The following CSMD1 variants were observed in gnomAD, a reference collection of about 807,000 sequenced individuals.
CSMD1 encodes the protein CUB and Sushi multiple domains 1.
In CSMD1, 213 loss-of-function variants were observed where a neutral mutation model predicts 417.5. That is an observed-to-expected ratio of 0.51 (90% CI 0.46 to 0.57). The LOEUF (loss-of-function observed/expected upper bound fraction) is 0.57, where lower values mean the gene tolerates loss of function less well. Among genes scored for constraint, CSMD1 ranks in the 20% least tolerant of loss-of-function variants. The probability of loss-of-function intolerance (pLI) is 0.00; values close to 1 mark genes in which losing one functional copy is unlikely to be tolerated. For missense variants in CSMD1, 6,923 were observed against 4,529.7 expected, an observed-to-expected ratio of 1.53 and a Z score of -15.17; for synonymous variants, 2,862 against 1,736.8, an observed-to-expected ratio of 1.65 and a Z score of -16.11.
At chr8:3,505,510 T>C (rs7002372) in intron 10 of CSMD1, among the ~76,000 whole-genome samples, 109,389 of 152,088 alleles carry the variant, frequency 0.72, 39,619 homozygotes, top group East Asian at 0.93. Flanking sequence ...TTATGGCCCC[T>C]GTAAATGAAA....
chr8:3,210,175 A>T (rs571841200), intron 30 of CSMD1, among the ~76,000 whole-genome samples: 11 of 152,300 alleles, frequency 7.2e-5, no homozygotes, highest in Admixed American at 7.2e-4. Flanking sequence ...GCGCTGGTTC[A>T]TGCACAAATG....
At chr8:4,218,769 T>A (rs1800843754) in intron 3 of CSMD1, among the ~76,000 whole-genome samples, 1 of 152,258 alleles carries the variant, frequency 6.6e-6, no homozygotes, top group Non-Finnish European at 1.5e-5. Flanking sequence ...TCTCTTGATT[T>A]GGTCCTGTAA....
At chr8:4,544,025 G>A (rs183381379) in intron 2 of CSMD1, among the ~76,000 whole-genome samples, 6 of 152,200 alleles carry the variant, frequency 3.9e-5, no homozygotes, top group East Asian at 1.9e-4. Flanking sequence ...TCGGACACAG[G>A]CCCTTTATCA....
At chr8:3,834,794 G>T (rs1057195714) in intron 5 of CSMD1, among the ~76,000 whole-genome samples, 31 of 151,780 alleles carry the variant, frequency 2.0e-4, no homozygotes, top group African/African-American at 7.5e-4. Context: ...TACAAAATGG[G>T]AGAAAATTTT....
At chr8:4,008,609 T>TC in intron 4 of CSMD1, among the ~76,000 whole-genome samples, 1 of 130,746 alleles carries the variant, frequency 7.6e-6, no homozygotes, top group Non-Finnish European at 1.6e-5. Context: ...TCTTTTTTTT[T>TC]TTTTTTTTTT....
At chr8:2,981,022 T>A (rs903142951) in intron 54 of CSMD1, among the ~76,000 whole-genome samples, 1 of 152,214 alleles carries the variant, frequency 6.6e-6, no homozygotes, top group African/African-American at 2.4e-5. Flanking sequence ...CAGTCCTACA[T>A]AGAGTTGCAG....
intron 12 of CSMD1, among the ~76,000 whole-genome samples, chr8:3,436,686 C>G (rs576164735): frequency 6.6e-6 from 1 of 152,028 alleles, no homozygotes; most frequent in Non-Finnish European, 1.5e-5. Flanking sequence ...GTTCTATATA[C>G]GCGACACCTT....
At chr8:3,386,358 C>G (rs780844165) in intron 18 of CSMD1, among the ~76,000 whole-genome samples, 1 of 152,150 alleles carries the variant, frequency 6.6e-6, no homozygotes, top group African/African-American at 2.4e-5. Flanking sequence ...CTACTCCTGC[C>G]CAGAGTGCAG....
At chr8:3,216,046 T>A (rs1797863246) in intron 29 of CSMD1, among the ~76,000 whole-genome samples, 1 of 148,936 alleles carries the variant, frequency 6.7e-6, no homozygotes, top group Non-Finnish European at 1.5e-5. Flanking sequence ...ATTAAATCTA[T>A]ATTAATATAT....
chr8:3,542,375 A>C (rs1798476778), intron 10 of CSMD1, among the ~76,000 whole-genome samples: 1 of 152,146 alleles, frequency 6.6e-6, no homozygotes, highest in Admixed American at 6.5e-5. Context: ...TAGTTATTTT[A>C]TTTTACAAAT....
chr8:4,552,754 G>C (rs1797929667), intron 2 of CSMD1, among the ~76,000 whole-genome samples: 2 of 152,186 alleles, frequency 1.3e-5, no homozygotes, highest in Non-Finnish European at 2.9e-5. Context: ...GGCATCGTTT[G>C]AACAGTCATC....
chr8:4,193,325 C>A (rs984989528), intron 3 of CSMD1, among the ~76,000 whole-genome samples: 1 of 151,826 alleles, frequency 6.6e-6, no homozygotes, highest in Non-Finnish European at 1.5e-5. Context: ...TTTCAAAGAA[C>A]GTCCTCCAAT....
At chr8:3,468,465 T>A (rs1470147491) in intron 12 of CSMD1, among the ~76,000 whole-genome samples, 1 of 152,202 alleles carries the variant, frequency 6.6e-6, no homozygotes, top group Non-Finnish European at 1.5e-5. Flanking sequence ...TTACACCTAA[T>A]ACTTCACCTC....
chr8:4,701,288 G>T (rs115199740), intron 1 of CSMD1, among the ~76,000 whole-genome samples: 11 of 149,536 alleles, frequency 7.4e-5, no homozygotes, highest in Non-Finnish European at 1.5e-4. Flanking sequence ...AACTTCGAAG[G>T]CTGCTTTTGA....
intron 3 of CSMD1, among the ~76,000 whole-genome samples, chr8:4,124,924 C>G (rs1041721482): frequency 3.3e-5 from 5 of 152,110 alleles, no homozygotes; most frequent in Non-Finnish European, 7.4e-5. Context: ...GACACCCAAG[C>G]CAGAAACAGC....
At chr8:3,604,304 G>A (rs1284668789) in intron 8 of CSMD1, among the ~76,000 whole-genome samples, 1 of 152,102 alleles carries the variant, frequency 6.6e-6, no homozygotes, top group Non-Finnish European at 1.5e-5. Flanking sequence ...GGCTGCGGGG[G>A]GGGACCAAAG....
intron 3 of CSMD1, among the ~76,000 whole-genome samples, chr8:4,139,306 T>G (rs371072692): frequency 0.29 from 43,046 of 148,488 alleles, 8,082 homozygotes; most frequent in Non-Finnish European, 0.38. Flanking sequence ...ACAGCTGTCG[T>G]TATACTTATA....
At chr8:4,246,229 A>T (rs1802701982) in intron 3 of CSMD1, among the ~76,000 whole-genome samples, 1 of 152,060 alleles carries the variant, frequency 6.6e-6, no homozygotes, top group Non-Finnish European at 1.5e-5. Context: ...TGTGTTCATG[A>T]GCTCTCATCA....
At chr8:4,922,937 T>A (rs1036793090) in intron 1 of CSMD1, among the ~76,000 whole-genome samples, 1 of 152,190 alleles carries the variant, frequency 6.6e-6, no homozygotes, top group Non-Finnish European at 1.5e-5. Flanking sequence ...AGTCTTGGTG[T>A]ATATGCATAT....
Sources: gnomAD v4.1 joint callset for allele counts (sites outside exome capture counted in the v4.1 genomes callset) on GRCh38, gnomAD v4.1.1 for gene constraint, MANE v1.5 for transcripts, NCBI Gene and HGNC (gene_info 2026-07-23, HGNC 2026-07-21) for gene names.